NME6: variants seen among roughly 807,000 people sequenced by gnomAD.
NME6 encodes the protein NME/NM23 nucleoside diphosphate kinase 6, also known as nucleoside diphosphate kinase 6, mitochondrial.
In NME6, 16 loss-of-function variants were observed where a neutral mutation model predicts 22.2. The ratio of observed to expected loss-of-function variants is 0.72; its 90% CI spans 0.49 to 1.09. NME6 has a LOEUF of 1.09. NME6 is among the 50% of genes least tolerant of loss of function. The pLI is 0.00. For synonymous variants in NME6, 58 were observed against 85.2 expected (o/e 0.68, Z 1.76); for missense variants, 229 against 239.0 (o/e 0.96, Z 0.28).
At chr3:48,297,018 G>A (rs141357147) in intron 2 of NME6, among the ~76,000 whole-genome samples, 189 bp from the exon 3 acceptor site, 173 of 152,162 alleles carry the variant, frequency 1.1e-3, no homozygotes, top group African/African-American at 4.0e-3. Flanking sequence ...AAGGGGATAG[G>A]ATGCGCTGTC....
At chr3:48,300,891 C>CA (rs1046553731) in intron 1 of NME6, among the ~76,000 whole-genome samples, 9 of 152,012 alleles carry the variant, frequency 5.9e-5, no homozygotes, top group South Asian at 2.1e-4. Flanking sequence ...ACTAAAAATA[C>CA]AAAAAAATTA....
In NME6 at chr3:48,294,725, T is replaced by C. The variant is rs781577672; in HGVS notation, c.473A>G (p.Glu158Gly). ...CACAGGGCCACAGCGCAACTGGGGC[T>C]CTTCCTCCTCATACCAGCGCTGTTC... ...FSEQRWYEEE[E>G]PQLRCGPVCY... is the part of the protein sequence containing the mutation. The change falls in exon 6 of 6, where the codon GAG (glutamate) becomes GGG (glycine). Residue 158 changes from glutamate (E) to glycine (G), a missense_variant. Transcript: ENST00000442597. 1.2e-5 allele frequency: 20 copies of C among 1,614,122 alleles called. No homozygotes were observed. Among genetic ancestry groups the C allele is most frequent in the Non-Finnish European group, 1.7e-5 (20 of 1,180,004 alleles).
At chr3:48,288,955 G>C (rs2034292316), downstream of NME6, among the ~76,000 whole-genome samples, 1 of 152,210 alleles carries the variant, frequency 6.6e-6, no homozygotes, top group Admixed American at 6.5e-5. Flanking sequence ...AGGAGTGGGT[G>C]AGTGGTGAGA....
At chr3:48,288,636 G>A (rs923234824), downstream of NME6, 1 of 152,014 alleles carries the variant, frequency 6.6e-6, no homozygotes. Flanking sequence ...GTTAGTTACA[G>A]GTTGAATGCC....
At chr3:48,288,986 T>TG (rs894698040), downstream of NME6, among the ~76,000 whole-genome samples, 4 of 151,968 alleles carry the variant, frequency 2.6e-5, no homozygotes, top group Admixed American at 1.3e-4. Context: ...AAGAGTGCTG[T>TG]GGGGGAGTGC....
chr3:48,299,009 A>C (rs575833008), intron 1 of NME6: 12 of 702,832 alleles, frequency 1.7e-5, no homozygotes, highest in Non-Finnish European at 2.6e-5. Context: ...CTGAGGTGCT[A>C]CCAGGATACC....
chr3:48,292,758 C>T lies in NME6; in HGVS notation c.*1879G>A, dbSNP rs184126877. 6.6e-6 allele frequency: 1 copy of T among 152,352 alleles called. No individual in the cohort carries two copies. Among genetic ancestry groups the T allele is most frequent in the East Asian group, 1.9e-4 (1 of 5,182 alleles). 9.4% of individuals were successfully genotyped at this position (152,352 alleles called of 1,614,324 possible). ...AGAGACGGGATTTCTCCATGTTGGTCAGGCTGGTCTGGAACTCCCAACCTC... is the reference window on the plus strand; with the variant it reads ...AGAGACGGGATTTCTCCATGTTGGTTAGGCTGGTCTGGAACTCCCAACCTC... On this transcript the variant is annotated 3_prime_UTR_variant, in exon 6 of 6. Coordinates refer to ENST00000442597, the MANE Select transcript of NME6 (RefSeq NM_001308426.2).
At chr3:48,298,064 C>A in intron 2 of NME6, 1 of 305,004 alleles carries the variant, frequency 3.3e-6, no homozygotes, top group Non-Finnish European at 6.3e-6. Context: ...CTTGTGAGAC[C>A]TTAAGCAAAC....
At chr3:48,291,002 A>C (rs1407199166), downstream of NME6, 1 of 285,170 alleles carries the variant, frequency 3.5e-6, no homozygotes, top group Non-Finnish European at 6.9e-6. Flanking sequence ...GTAATCGTTC[A>C]AATTTTGGAT....
At chr3:48,295,573 A>C in intron 4 of NME6, 1 of 267,696 alleles carries the variant, frequency 3.7e-6, no homozygotes, top group Non-Finnish European at 7.1e-6. Context: ...ATGGAGTCTC[A>C]CTCTGTTGCC....
intron 5 of NME6, 32 bp downstream of exon 5, chr3:48,295,043 A>C: frequency 6.3e-7 from 1 of 1,598,136 alleles, no homozygotes; most frequent in South Asian, 1.1e-5. Flanking sequence ...GCTAACCCCA[A>C]AATATCCTAT....
intron 3 of NME6, among the ~76,000 whole-genome samples, chr3:48,296,428 GA>G (rs2106955724): frequency 1.3e-5 from 2 of 152,080 alleles, no homozygotes; most frequent in African/African-American, 4.8e-5. Context: ...TGGGAAAATT[GA>G]ATGAAAAAAT....
In NME6 at chr3:48,294,709, A is replaced by G; in HGVS notation, c.489T>C (p.Cys163=). The stretch of plus-strand genomic sequence containing the variant: ...CCTCTGGGCTATAGCACACAGGGCC[A>G]CAGCGCAACTGGGGCTCTTCCTCCT... ...WYEEEEPQLR[C]GPVCYSPEGG... is the part of the protein sequence containing the mutation. The change falls in exon 6 of 6, where the codon TGT becomes TGC. Residue 163 remains cysteine (C), a synonymous_variant. Coordinates refer to ENST00000442597, the MANE Select transcript of NME6 (RefSeq NM_001308426.2). 1 of 1,614,188 alleles carries G rather than the reference A, an allele frequency of 6.2e-7. No homozygotes were observed. The highest frequency in any genetic ancestry group is 8.5e-7 in the Non-Finnish European group (1 of 1,180,030).
chr3:48,298,482 T>G lies in NME6; in HGVS notation c.35A>C (p.Gln12Pro). The change falls in exon 2 of 6, where the codon CAG becomes CCG. Residue 12 changes from glutamine to proline, a missense_variant. Gln to Pro is a moderately conservative substitution (Grantham distance 76). Coordinates refer to ENST00000442597, the MANE Select transcript of NME6 (RefSeq NM_001308426.2). ...ASILRSPQALQLTLALIKPDA... is the reference protein window; with the variant it reads ...ASILRSPQALPLTLALIKPDA... ...AGGCTTGATCAGGGCTAGAGTGAGC[T>G]GGAGAGCCTGAGGGCTTCGCAAGAT... is the stretch of plus-strand genomic sequence containing the variant. 3 of 1,612,634 alleles carry G rather than the reference T, an allele frequency of 1.9e-6. No homozygotes were observed. Among genetic ancestry groups the G allele is most frequent in the Non-Finnish European group, 2.5e-6 (3 of 1,179,400 alleles).
intron 1 of NME6, chr3:48,300,131 C>A: frequency 4.8e-6 from 2 of 419,134 alleles, no homozygotes; most frequent in South Asian, 1.8e-5. Context: ...AATCTCCACA[C>A]AGCAGCCAAA....
At chr3:48,297,296 T>A (rs2035218964) in intron 2 of NME6, among the ~76,000 whole-genome samples, 1 of 152,222 alleles carries the variant, frequency 6.6e-6, no homozygotes, top group South Asian at 2.1e-4. Context: ...AATTCTCTAG[T>A]CTCACCATCG....
At chr3:48,300,220 C>A (rs980801020) in intron 1 of NME6, 11 of 456,526 alleles carry the variant, frequency 2.4e-5, no homozygotes, top group Non-Finnish European at 4.4e-5. Context: ...AGAATAAAAA[C>A]CAAAATCCTT....
chr3:48,300,378 G>A (rs2035565073), intron 1 of NME6: 1 of 456,282 alleles, frequency 2.2e-6, no homozygotes, highest in African/African-American at 2.0e-5. Context: ...CAGCCTTTGT[G>A]TGAGTAGTTT....
At chr3:48,291,302 T>G (rs2034442221), downstream of NME6, 1 of 454,912 alleles carries the variant, frequency 2.2e-6, no homozygotes. Context: ...ATCATTTTCT[T>G]TAAGCCTGTG....
Sources: gnomAD v4.1 joint callset for allele counts (sites outside exome capture counted in the v4.1 genomes callset) on GRCh38, gnomAD v4.1.1 for gene constraint, MANE v1.5 for transcripts, NCBI Gene and HGNC (gene_info 2026-07-23, HGNC 2026-07-21) for gene names.